The following THADA variants were observed in gnomAD, a reference collection of about 807,000 sequenced individuals.
THADA encodes tRNA (32-2'-O)-methyltransferase regulator THADA.
THADA carries 213 observed loss-of-function variants against 219.8 expected under a neutral mutation model. The observed-to-expected ratio is 0.97, with a 90% CI of 0.87 to 1.09. The LOEUF (loss-of-function observed/expected upper bound fraction) is 1.09. Among genes scored for constraint, THADA ranks in the 50% least tolerant of loss-of-function variants. THADA has a pLI of 0.00. For synonymous variants in THADA, 1,018 were observed against 828.9 expected (o/e 1.23, Z -3.92); for missense variants, 2,956 against 2,311.3 (o/e 1.28, Z -5.72).
chr2:43,269,806 T>C (rs1195945429), intron 36 of THADA, among the ~76,000 whole-genome samples: 1 of 152,184 alleles, frequency 6.6e-6, no homozygotes, highest in Admixed American at 6.5e-5. Flanking sequence ...TTTCCTCCCC[T>C]GCAGCCCCAC....
chr2:43,236,170 A>G (rs1225920515), intron 36 of THADA, among the ~76,000 whole-genome samples: 1 of 152,196 alleles, frequency 6.6e-6, no homozygotes, highest in Non-Finnish European at 1.5e-5. Context: ...GCGGGATGAC[A>G]GGCAAAAGGG....
intron 29 of THADA, among the ~76,000 whole-genome samples, chr2:43,385,834 A>C (rs865917820): frequency 8.5e-5 from 13 of 152,090 alleles, no homozygotes; most frequent in Middle Eastern, 6.8e-3. Context: ...AACTCTTCGA[A>C]ATCACAACTT....
intron 26 of THADA, among the ~76,000 whole-genome samples, chr2:43,440,619 C>T (rs552235297): frequency 6.6e-6 from 1 of 152,148 alleles, no homozygotes; most frequent in South Asian, 2.1e-4. Context: ...TATTGGGATC[C>T]CTGAGTATAT....
At chr2:43,446,218 T>C (rs1325007430) in intron 26 of THADA, among the ~76,000 whole-genome samples, 1 of 152,246 alleles carries the variant, frequency 6.6e-6, no homozygotes, top group Non-Finnish European at 1.5e-5. Flanking sequence ...AATCATTTAC[T>C]AAACAGTTTC....
At chr2:43,392,607 T>G (rs145083400) in intron 29 of THADA, among the ~76,000 whole-genome samples, 6 of 152,226 alleles carry the variant, frequency 3.9e-5, no homozygotes, top group African/African-American at 9.6e-5. Context: ...TCTTCATGTG[T>G]CCCATCCAGC....
chr2:43,400,476 T>A lies in THADA; in HGVS notation c.4059-2337A>T, dbSNP rs551914851. On this transcript the variant is annotated intron_variant, in intron 28 of 37. Transcript: ENST00000405975. ...ACAAATTTATATATATATATATATA[T>A]AAATATATACACTAAGAAAAAAAAT... is the stretch of plus-strand genomic sequence containing the variant. 4.7e-3 allele frequency among the ~76,000 whole-genome samples: 675 copies of A among 144,460 alleles called. 10 individuals are homozygous for A. The highest frequency in any genetic ancestry group is 7.2e-3 in the Non-Finnish European group (471 of 65,734). The allele number at this position is 144,460 out of a possible 152,430, so 94.8% of individuals were successfully genotyped here. A position where few individuals can be genotyped will look rare whatever the true frequency, so the allele number is the denominator to read the frequency against.
chr2:43,248,699 C>A (rs545597589), intron 36 of THADA, among the ~76,000 whole-genome samples: 1 of 152,288 alleles, frequency 6.6e-6, no homozygotes, highest in Admixed American at 6.5e-5. Flanking sequence ...CACATGGAAT[C>A]CGTTTTGAAA....
chr2:43,529,805 G>A (rs1193573688), intron 21 of THADA, among the ~76,000 whole-genome samples: 1 of 152,120 alleles, frequency 6.6e-6, no homozygotes, highest in Non-Finnish European at 1.5e-5. Flanking sequence ...TTAGTATTCT[G>A]CACACATTAG....
At chr2:43,499,842 T>C (rs1247442479) in intron 24 of THADA, among the ~76,000 whole-genome samples, 1 of 152,148 alleles carries the variant, frequency 6.6e-6, no homozygotes, top group South Asian at 2.1e-4. Flanking sequence ...TTTTTTTAAA[T>C]GACTAGAATG....
At chr2:43,248,040 C>T (rs1358951796) in intron 36 of THADA, among the ~76,000 whole-genome samples, 1 of 147,696 alleles carries the variant, frequency 6.8e-6, no homozygotes, top group Non-Finnish European at 1.5e-5. Flanking sequence ...AAAACCCTAT[C>T]TTAAAGCAAA....
intron 7 of THADA, among the ~76,000 whole-genome samples, chr2:43,584,802 T>G (rs1700835641): frequency 6.6e-6 from 1 of 151,896 alleles, no homozygotes; most frequent in South Asian, 2.1e-4. Context: ...TGGAGGTAAA[T>G]AAAGGATTGA....
intron 16 of THADA, among the ~76,000 whole-genome samples, chr2:43,559,505 T>A (rs552415409): frequency 6.6e-6 from 1 of 152,242 alleles, no homozygotes; most frequent in Admixed American, 6.5e-5. Flanking sequence ...AGAGCTCTAA[T>A]AGAAAGCCAT....
intron 26 of THADA, among the ~76,000 whole-genome samples, chr2:43,462,694 T>G (rs555938125): frequency 6.6e-6 from 1 of 152,330 alleles, no homozygotes; most frequent in African/African-American, 2.4e-5. Context: ...TCTTATACAC[T>G]GTGCCCTATG....
At chr2:43,400,492 GA>G (rs1266198159) in intron 28 of THADA, among the ~76,000 whole-genome samples, 4 of 93,312 alleles carry the variant, frequency 4.3e-5, no homozygotes, top group South Asian at 3.4e-4. Context: ...TATACACTAA[GA>G]AAAAAAATTT....
In THADA at chr2:43,527,959, T is replaced by G. The variant is rs752656191; in HGVS notation, c.3294A>C (p.Gln1098His). ...CTCTGTGCCTGGACTGCAAAAGGTGTTGTTTAAAGTAATCTCCTATTTCTT... is the reference window on the plus strand; with the variant it reads ...CTCTGTGCCTGGACTGCAAAAGGTGGTGTTTAAAGTAATCTCCTATTTCTT... ...QVKEIGDYFK[Q>H]HLLQSRHRGA... is the part of the protein sequence containing the mutation. Residue 1098 changes from glutamine (Q) to histidine (H), a missense_variant, in exon 22 of 38, where the codon CAA (glutamine) becomes CAC (histidine). Physicochemically the swap from Gln to His is conservative, Grantham distance 24. Coordinates refer to ENST00000405975, the MANE Select transcript of THADA (RefSeq NM_022065.5). 24 of 1,613,344 alleles carry G rather than the reference T, an allele frequency of 1.5e-5. No individual in the cohort carries two copies. In the African/African-American group the frequency reaches 3.2e-4, roughly 22 times the overall value.
At chr2:43,535,526 C>T (rs1158928925) in intron 21 of THADA, among the ~76,000 whole-genome samples, 2 of 150,970 alleles carry the variant, frequency 1.3e-5, no homozygotes, top group South Asian at 4.2e-4. Context: ...TAAAAAAATA[C>T]AAAAATTAGC....
At chr2:43,350,243 G>C (rs963781897) in intron 29 of THADA, among the ~76,000 whole-genome samples, 3 of 152,112 alleles carry the variant, frequency 2.0e-5, no homozygotes, top group Non-Finnish European at 4.4e-5. Context: ...AGATTGAAAG[G>C]GGGTAAAAGG....
chr2:43,430,361 G>A (rs1679078952), intron 26 of THADA, 59 bp from the exon 27 acceptor site: 3 of 970,522 alleles, frequency 3.1e-6, no homozygotes, highest in Admixed American at 2.8e-5. Context: ...TGACAATAAA[G>A]CCTTTTTTTT....
At chr2:43,513,745 T>C (rs1174418526) in intron 22 of THADA, among the ~76,000 whole-genome samples, 1 of 152,082 alleles carries the variant, frequency 6.6e-6, no homozygotes, top group South Asian at 2.1e-4. Context: ...ATTCAAAATA[T>C]AGAAATAAAT....
Sources: gnomAD v4.1 joint callset for allele counts (sites outside exome capture counted in the v4.1 genomes callset) on GRCh38, gnomAD v4.1.1 for gene constraint, MANE v1.5 for transcripts, NCBI Gene and HGNC (gene_info 2026-07-23, HGNC 2026-07-21) for gene names.